Variants in MACC1 observed in about 807,000 individuals in gnomAD.
MACC1 encodes metastasis-associated in colon cancer protein 1.
A neutral mutation model predicts 70.7 loss-of-function variants in MACC1; 79 were observed. The observed-to-expected ratio is 1.12, with a 90% CI of 0.93 to 1.35. MACC1 has a LOEUF of 1.35. Ranked by LOEUF, MACC1 falls within the 40% of genes most tolerant of loss-of-function variation. The probability of loss-of-function intolerance (pLI) is 0.00; values close to 1 mark genes in which losing one functional copy is unlikely to be tolerated. For synonymous variants in MACC1, 361 were observed against 347.2 expected (o/e 1.04, Z -0.44); for missense variants, 1,106 against 978.1 (o/e 1.13, Z -1.74).
At chr7:20,166,513 A>G (rs1188350514) in intron 2 of MACC1, among the ~76,000 whole-genome samples, 1 of 152,168 alleles carries the variant, frequency 6.6e-6, no homozygotes, top group African/African-American at 2.4e-5. Context: ...TTAATAGTAT[A>G]CACCATACAC....
intron 5 of MACC1, among the ~76,000 whole-genome samples, chr7:20,158,002 G>T (rs1305785534): frequency 6.6e-6 from 1 of 152,076 alleles, no homozygotes; most frequent in African/African-American, 2.4e-5. Context: ...CTGGTTTTTG[G>T]GGAAATCACA....
chr7:20,185,412 A>G (rs1181612743), intron 1 of MACC1, among the ~76,000 whole-genome samples: 1 of 152,210 alleles, frequency 6.6e-6, no homozygotes, highest in African/African-American at 2.4e-5. Flanking sequence ...GAGACAAGAA[A>G]TAAGGAAAAC....
intron 1 of MACC1, among the ~76,000 whole-genome samples, chr7:20,179,700 T>TTTTCA (rs1373587986): frequency 1.4e-4 from 21 of 152,226 alleles, no homozygotes; most frequent in African/African-American, 4.6e-4. Flanking sequence ...TTTTGTTTTT[T>TTTTCA]GTTTTCAAAA....
At chr7:20,167,031 T>C (rs1782230885) in intron 2 of MACC1, among the ~76,000 whole-genome samples, 1 of 152,124 alleles carries the variant, frequency 6.6e-6, no homozygotes, top group South Asian at 2.1e-4. Context: ...AAGGAATATC[T>C]TGGGCCTGTA....
chr7:20,149,462 A>C (rs892618182), intron 6 of MACC1, among the ~76,000 whole-genome samples: 3 of 152,172 alleles, frequency 2.0e-5, no homozygotes, highest in Admixed American at 1.3e-4. Flanking sequence ...ACATCCAGTG[A>C]GTAAGATAGT....
rs565272665 is a variant in MACC1 at position 20,154,720 on chromosome 7, C to T, written c.2158-339G>A. The stretch of plus-strand genomic sequence containing the variant: ...ACACTTCCAATGGTACTCTGAAGTT[C>T]CGGCAGTCTCTAATTTATCACTCTA... On this transcript the variant is annotated intron_variant, in intron 5 of 6. Coordinates refer to ENST00000400331, the MANE Select transcript of MACC1 (RefSeq NM_182762.4). 3.9e-5 allele frequency among the ~76,000 whole-genome samples: 6 copies of T among 152,204 alleles called. No individual in the cohort carries two copies. In the South Asian group the frequency reaches 1.2e-3, roughly 32 times the overall value.
rs142998584 is a variant in MACC1 at position 20,201,280 on chromosome 7, T to C, written c.-218+16019A>G. Among the ~76,000 whole-genome samples the C allele has an allele frequency of 1.7e-3, 258 of 152,340 alleles. 1 individual carries two copies. The highest frequency in any genetic ancestry group is 3.4e-3 in the Middle Eastern group (1 of 294). On this transcript the variant is annotated intron_variant, in intron 1 of 6. Coordinates refer to ENST00000400331, the MANE Select transcript of MACC1 (RefSeq NM_182762.4). ...TATGCAGAATTTATGAAATGGGTTC[T>C]GAAGGTTGAGCTATCTGGGTTCAAA... is the stretch of plus-strand genomic sequence containing the variant.
rs1327237447 is a variant in MACC1, at chr7:20,135,727, G to A, written c.*5219C>T. On this transcript the variant is annotated 3_prime_UTR_variant, in exon 7 of 7. Transcript: ENST00000400331. ...CTAAGGCCTTGACAATGAGACTGGA[G>A]CATGTTTGGCAGCGTGCTTTGAGAA... 1 of 152,196 alleles carries A rather than the reference G, an allele frequency of 6.6e-6. No individual in the cohort carries two copies. Among genetic ancestry groups the A allele is most frequent in the East Asian group, 1.9e-4 (1 of 5,202 alleles). The allele number at this position is 152,196 out of a possible 1,614,324, so 9.4% of individuals were successfully genotyped here.
chr7:20,150,710 G>A (rs1009928413), intron 6 of MACC1: 4 of 152,220 alleles, frequency 2.6e-5, no homozygotes, highest in African/African-American at 9.6e-5. Flanking sequence ...AGGACTATTG[G>A]TGCCTGTGGC....
chr7:20,193,589 T>G (rs781536442), intron 1 of MACC1, among the ~76,000 whole-genome samples: 8 of 152,164 alleles, frequency 5.3e-5, no homozygotes, highest in Non-Finnish European at 8.8e-5. Context: ...AGAATTCAGC[T>G]TCTACGATCT....
intron 2 of MACC1, among the ~76,000 whole-genome samples, chr7:20,168,392 C>T (rs1056522771): frequency 7.2e-5 from 11 of 152,094 alleles, no homozygotes; most frequent in Admixed American, 7.2e-4. Flanking sequence ...TACCTATTAG[C>T]AGTAGTCCAC....
At chr7:20,192,952 C>T (rs190619912) in intron 1 of MACC1, among the ~76,000 whole-genome samples, 18 of 152,180 alleles carry the variant, frequency 1.2e-4, no homozygotes, top group Non-Finnish European at 2.4e-4. Flanking sequence ...TGGCTCCTCA[C>T]TGTGATGAGT....
At chr7:20,150,242 C>T (rs186558822) in intron 6 of MACC1, among the ~76,000 whole-genome samples, 9 of 152,198 alleles carry the variant, frequency 5.9e-5, no homozygotes, top group East Asian at 1.9e-4. Flanking sequence ...GTGTTTTTTA[C>T]GGCTCCTAAA....
intron 1 of MACC1, among the ~76,000 whole-genome samples, chr7:20,203,935 G>C (rs1180513022): frequency 6.6e-6 from 1 of 151,988 alleles, no homozygotes; most frequent in Admixed American, 6.6e-5. Flanking sequence ...AGCAATGTGG[G>C]CTCATCACTA....
chr7:20,147,508 T>C (rs900699172), intron 6 of MACC1: 4 of 152,248 alleles, frequency 2.6e-5, no homozygotes, highest in African/African-American at 9.6e-5. Flanking sequence ...TCATGTGTTC[T>C]ATCCTCAGTA....
Position 20,134,939 on chromosome 7 carries a change from C to A in MACC1, c.*6007G>T, listed in dbSNP as rs1311641012. 6.6e-6 allele frequency: 1 copy of A among 152,184 alleles called. No individual in the cohort carries two copies. The allele number at this position is 152,184 out of a possible 1,614,324, so 9.4% of individuals were successfully genotyped here. A position where few individuals can be genotyped will look rare whatever the true frequency, so the allele number is the denominator to read the frequency against. On this transcript the variant is annotated 3_prime_UTR_variant, in exon 7 of 7. Transcript: ENST00000400331. ...TCAGCTTGCCACCTCTTCTCAGTCA[C>A]CATCTCTTTAAATGTGGAATATGAT...
intron 4 of MACC1, 95 bp downstream of exon 4, chr7:20,161,653 C>T: frequency 1.4e-6 from 1 of 727,756 alleles, no homozygotes; most frequent in South Asian, 1.9e-5. Context: ...TTCTTTTCAT[C>T]TTCCAGCATT....
intron 1 of MACC1, among the ~76,000 whole-genome samples, chr7:20,175,095 G>A (rs1782371198): frequency 6.6e-6 from 1 of 151,796 alleles, no homozygotes; most frequent in African/African-American, 2.4e-5. Context: ...CTTGGCCTCT[G>A]TTTCTATATT....
intron 1 of MACC1, among the ~76,000 whole-genome samples, chr7:20,205,816 C>A (rs1782903070): frequency 1.3e-5 from 2 of 152,032 alleles, no homozygotes; most frequent in African/African-American, 4.8e-5. Context: ...AACCAAGACC[C>A]CTCCCCAGAG....
Sources: allele counts gnomAD v4.1 joint callset (sites outside exome capture counted in the v4.1 genomes callset), GRCh38; gene constraint gnomAD v4.1.1; transcripts MANE v1.5; gene names NCBI Gene and HGNC (gene_info 2026-07-23, HGNC 2026-07-21).